The following ACOX1 variants were observed in gnomAD, a reference collection of about 807,000 sequenced individuals.
ACOX1 encodes acyl-CoA oxidase 1.
In ACOX1, 41 loss-of-function variants were observed where a neutral mutation model predicts 75.5. The ratio of observed to expected loss-of-function variants is 0.54; its 90% CI spans 0.42 to 0.70. The LOEUF is 0.70. Among genes scored for constraint, ACOX1 ranks in the 30% least tolerant of loss-of-function variants. The pLI, the probability that ACOX1 is intolerant of heterozygous loss-of-function variation, is 0.00. For missense variants in ACOX1, 630 were observed against 837.5 expected (o/e 0.75, Z 3.06); for synonymous variants, 303 against 298.8 (o/e 1.01, Z -0.15).
In ACOX1 at chr17:75,950,937, C is replaced by T; in HGVS notation, c.1135G>A (p.Ala379Thr). Residue 379 changes from alanine to threonine, a missense_variant, in exon 9 of 14, where the codon GCT becomes ACT. Transcript: ENST00000293217. This position sits in a 1 kb window ranked among gnomAD's most constrained non-coding sequence, Gnocchi z 4.3. The stretch of plus-strand genomic sequence containing the variant: ...GTGTTTGCAGTCCAGGAGGTGAAAG[C>T]CTTCAGTCCAGCGGTGAGGGCATGA... ...ELHALTAGLK[A>T]FTSWTANTGI... 1.2e-6 allele frequency: 2 copies of T among 1,614,138 alleles called. No individual in the cohort carries two copies. Among genetic ancestry groups the T allele is most frequent in the Non-Finnish European group, 1.7e-6 (2 of 1,180,014 alleles).
intron 6 of ACOX1, among the ~76,000 whole-genome samples, chr17:75,954,534 A>AGGG (rs374978251): frequency 3.5e-5 from 5 of 142,644 alleles, no homozygotes; most frequent in African/African-American, 1.4e-4. Flanking sequence ...AAAAAAAAAA[A>AGGG]GGGGCATCAG....
chr17:75,946,769 C>G lies in ACOX1; in HGVS notation c.1962G>C (p.Lys654Asn). The G allele has an allele frequency of 2.5e-6, 4 of 1,614,012 alleles. No homozygotes were observed. Among genetic ancestry groups the G allele is most frequent in the Non-Finnish European group, 3.4e-6 (4 of 1,179,908 alleles). The change falls in exon 14 of 14, where the codon AAG becomes AAC. Residue 654 changes from lysine (K) to asparagine (N), a missense_variant. Lys to Asn is a moderately conservative substitution (Grantham distance 94). Around this residue, in one of 2 missense-constraint regions of ACOX1, gnomAD observed 240 missense variants for 262.7 expected, o/e 0.91. Coordinates refer to ENST00000293217, the MANE Select transcript of ACOX1 (RefSeq NM_004035.7). ...CACTTCAGAGCTTGGACTGCAGTGACTTCAGGTGCTTGTAAGATTCGTGGA... is the reference window on the plus strand; with the variant it reads ...CACTTCAGAGCTTGGACTGCAGTGAGTTCAGGTGCTTGTAAGATTCGTGGA... The part of the protein sequence containing the change: ...AEVHESYKHL[K>N]SLQSKL
chr17:75,958,409 C>T (rs1306665244), intron 3 of ACOX1, among the ~76,000 whole-genome samples: 1 of 147,264 alleles, frequency 6.8e-6, no homozygotes, highest in African/African-American at 2.5e-5. Flanking sequence ...TGGCTCAAGC[C>T]TGTAATCCCA....
chr17:75,951,136 C>T (rs2065770578), intron 8 of ACOX1, among the ~76,000 whole-genome samples, 172 bp from the exon 9 acceptor site: 2 of 152,172 alleles, frequency 1.3e-5, no homozygotes, highest in South Asian at 4.1e-4. Flanking sequence ...CAGAACACTA[C>T]CCATGCCCAT....
intron 2 of ACOX1, among the ~76,000 whole-genome samples, chr17:75,971,891 C>G (rs1439882680): frequency 6.6e-6 from 1 of 152,202 alleles, no homozygotes; most frequent in Non-Finnish European, 1.5e-5. Flanking sequence ...CTATGAACAG[C>G]ATGACTGTTA....
intron 4 of ACOX1, among the ~76,000 whole-genome samples, chr17:75,956,311 T>C (rs1166728723): frequency 6.6e-6 from 1 of 152,152 alleles, no homozygotes; most frequent in Non-Finnish European, 1.5e-5. Flanking sequence ...AAATATATAA[T>C]GTGAATAACA....
intron 6 of ACOX1, among the ~76,000 whole-genome samples, chr17:75,954,566 T>C (rs1598179393): frequency 1.5e-5 from 2 of 134,948 alleles, no homozygotes; most frequent in Non-Finnish European, 3.2e-5. Flanking sequence ...CATTATTAGC[T>C]CCTTTTTTTT....
intron 6 of ACOX1, among the ~76,000 whole-genome samples, chr17:75,954,699 G>A (rs532850573): frequency 2.7e-4 from 40 of 149,386 alleles, no homozygotes; most frequent in African/African-American, 8.6e-4. Flanking sequence ...AGCCTCCTGA[G>A]TAGCTGAGAT....
intron 4 of ACOX1, among the ~76,000 whole-genome samples, chr17:75,957,008 T>TACACACAC (rs1202955138): frequency 3.6e-5 from 4 of 110,190 alleles, no homozygotes; most frequent in African/African-American, 1.5e-4. Flanking sequence ...TATATATATA[T>TACACACAC]ACACACACAC....
In ACOX1 at chr17:75,943,643, G is replaced by A. The variant is rs951128230; in HGVS notation, c.*3105C>T. 3 of 152,176 alleles carry A rather than the reference G, an allele frequency of 2.0e-5. No individual in the cohort carries two copies. The highest frequency in any genetic ancestry group is 3.9e-4 in the East Asian group (2 of 5,188). 9.4% of individuals were successfully genotyped at this position (152,176 alleles called of 1,614,324 possible). On this transcript the variant is annotated 3_prime_UTR_variant, in exon 14 of 14. Coordinates refer to ENST00000293217, the MANE Select transcript of ACOX1 (RefSeq NM_004035.7). ...GACTTCTCAGAAAGCATATGAACACGGTGAATGTTGTAATGTTCTGAAGAT... is the reference window on the plus strand; with the variant it reads ...GACTTCTCAGAAAGCATATGAACACAGTGAATGTTGTAATGTTCTGAAGAT...
At position 75,942,780 on chromosome 17, in the gene ACOX1, T is replaced by C. The variant is rs759138629; in HGVS notation, c.*3968A>G. 2.6e-5 allele frequency: 4 copies of C among 152,078 alleles called. No homozygotes were observed. The highest frequency in any genetic ancestry group is 5.9e-5 in the Non-Finnish European group (4 of 68,022). 9.4% of individuals were successfully genotyped at this position (152,078 alleles called of 1,614,324 possible). On this transcript the variant is annotated 3_prime_UTR_variant, in exon 14 of 14. Transcript: ENST00000293217. ...CCACCTACACCTAATTCACTTCCTT[T>C]CTAATAAGATGGATGGAATAACTCG...
intron 2 of ACOX1, among the ~76,000 whole-genome samples, chr17:75,976,960 A>T (rs1364396453): frequency 2.0e-5 from 3 of 150,056 alleles, no homozygotes; most frequent in Non-Finnish European, 4.4e-5. Context: ...GGATCATGTA[A>T]TAGTGTTTGT....
chr17:75,960,838 C>T lies in ACOX1; in HGVS notation c.270-463G>A, dbSNP rs114096302. Among the ~76,000 whole-genome samples the T allele has an allele frequency of 4.2e-3, 635 of 151,546 alleles. No homozygotes were observed. Among genetic ancestry groups the T allele is most frequent in the African/African-American group, 0.015 (609 of 41,230 alleles). Reference sequence around the variant, plus strand: ...ACTAAAAATACAAAAATCAGCTGAACGTGGTGGCGCCAGCCAGTAGTCCCA... The same window carrying T: ...ACTAAAAATACAAAAATCAGCTGAATGTGGTGGCGCCAGCCAGTAGTCCCA... On this transcript the variant is annotated intron_variant, in intron 2 of 13. Transcript: ENST00000293217. The surrounding 1 kb of genome is among the most constrained non-coding windows in gnomAD (Gnocchi z 4.4).
At position 75,978,953 on chromosome 17, in the gene ACOX1, C is replaced by T. The variant is rs1187133623; in HGVS notation, c.109+12G>A. 1 of 1,608,942 alleles carries T rather than the reference C, an allele frequency of 6.2e-7. No homozygotes were observed. The highest frequency in any genetic ancestry group is 1.3e-5 in the African/African-American group (1 of 74,924). On this transcript the variant is annotated intron_variant, in intron 1 of 13. Transcript: ENST00000293217. This position sits in a 1 kb window ranked among gnomAD's most constrained non-coding sequence, Gnocchi z 4.2. The stretch of plus-strand genomic sequence containing the variant: ...CTCGGGAAAGGAGGGAGGTCTCGCC[C>T]GCCGCCCTCACCGATCTCTCGGCGG...
Position 75,949,477 on chromosome 17 carries a change from G to C in ACOX1, c.1584+18C>G, listed in dbSNP as rs1168223544. 3.7e-6 allele frequency: 6 copies of C among 1,613,034 alleles called. No individual in the cohort carries two copies. Among genetic ancestry groups the C allele is most frequent in the Non-Finnish European group, 5.1e-6 (6 of 1,179,108 alleles). ...TGCTGAGGGCAGGGAAGGGGAAAAA[G>C]AGAGAACTACCACTGACCTCACTTG... On this transcript the variant is annotated intron_variant, in intron 11 of 13. Coordinates refer to ENST00000293217, the MANE Select transcript of ACOX1 (RefSeq NM_004035.7).
chr17:75,950,408 C>T lies in ACOX1; in HGVS notation c.1298+366G>A, dbSNP rs373919594. ...ATTACAGGCAATGTGCCATCATGCCCGGCTAATTTTTTTGTATTTTTTTAG... is the reference window on the plus strand; with the variant it reads ...ATTACAGGCAATGTGCCATCATGCCTGGCTAATTTTTTTGTATTTTTTTAG... On this transcript the variant is annotated intron_variant, in intron 9 of 13. Transcript: ENST00000293217. The surrounding 1 kb of genome is among the most constrained non-coding windows in gnomAD (Gnocchi z 4.3). Among the ~76,000 whole-genome samples, 366 of 152,142 alleles carry T rather than the reference C, an allele frequency of 2.4e-3. 1 individual carries two copies. The highest frequency in any genetic ancestry group is 8.5e-3 in the South Asian group (41 of 4,820).
At chr17:75,977,497 T>A (rs1232876072) in intron 2 of ACOX1, among the ~76,000 whole-genome samples, 1 of 151,590 alleles carries the variant, frequency 6.6e-6, no homozygotes. Flanking sequence ...ATCCGGGAGG[T>A]GGAGGCTGGA....
Position 75,950,164 on chromosome 17 carries a change from C to T in ACOX1, c.1299-267G>A. ...ACAGGGTTTTACCATGTTGGCCAGG[C>T]TGGTCTCTTAACTCCTGACCTCAAG... is the stretch of plus-strand genomic sequence containing the variant. On this transcript the variant is annotated intron_variant, in intron 9 of 13. Transcript: ENST00000293217. The surrounding 1 kb of genome is among the most constrained non-coding windows in gnomAD (Gnocchi z 4.3). Among the ~76,000 whole-genome samples the T allele has an allele frequency of 6.6e-6, 1 of 151,898 alleles. No homozygotes were observed. Among genetic ancestry groups the T allele is most frequent in the Non-Finnish European group, 1.5e-5 (1 of 68,024 alleles).
intron 2 of ACOX1, among the ~76,000 whole-genome samples, chr17:75,975,070 A>G (rs55765205): frequency 0.015 from 2,213 of 144,094 alleles, 12 homozygotes; most frequent in Middle Eastern, 0.026. Context: ...AAAAAAAAAA[A>G]AAAGAAAGAA....
Sources: allele counts gnomAD v4.1 joint callset (sites outside exome capture counted in the v4.1 genomes callset), GRCh38; gene constraint gnomAD v4.1.1; regional missense constraint gnomAD v4.1.1; non-coding constraint Gnocchi (gnomAD v3.1); transcripts MANE v1.5; gene names NCBI Gene and HGNC (gene_info 2026-07-23, HGNC 2026-07-21).